The following GATB variants were observed in gnomAD, a reference collection of about 807,000 sequenced individuals.
The protein encoded by GATB is glutamyl-tRNA amidotransferase subunit B.
A neutral mutation model predicts 62.3 loss-of-function variants in GATB; 39 were observed. That is an observed-to-expected ratio of 0.63 (90% CI 0.48 to 0.82). GATB has a LOEUF of 0.82. Among genes scored for constraint, GATB ranks in the 40% least tolerant of loss-of-function variants. GATB has a pLI of 0.00. For synonymous variants in GATB, 276 were observed against 258.9 expected (o/e 1.07, Z -0.63); for missense variants, 670 against 684.0 (o/e 0.98, Z 0.23).
chr4:151,698,599 C>G (rs945010845), intron 9 of GATB, among the ~76,000 whole-genome samples: 1 of 152,116 alleles, frequency 6.6e-6, no homozygotes, highest in Non-Finnish European at 1.5e-5. Context: ...GGAAAAAACA[C>G]GAACATATCA....
intron 10 of GATB, among the ~76,000 whole-genome samples, chr4:151,686,652 G>GCCCCGCT (rs1312222191): frequency 1.4e-5 from 1 of 70,922 alleles, no homozygotes; most frequent in Non-Finnish European, 2.7e-5. Context: ...TCCCCGCCCC[G>GCCCCGCT]CCCCCCCCCC....
chr4:151,683,876 G>A (rs984736073), intron 10 of GATB, among the ~76,000 whole-genome samples: 2 of 152,166 alleles, frequency 1.3e-5, no homozygotes, highest in Non-Finnish European at 1.5e-5. Context: ...ACAACACCAC[G>A]CTTCTAGGTA....
Position 151,758,768 on chromosome 4 carries a change from T to C in GATB, c.327+4A>G. On this transcript the variant is annotated splice_donor_region_variant and intron_variant, in intron 2 of 12. Coordinates refer to ENST00000263985, the MANE Select transcript of GATB (RefSeq NM_004564.3). ...ATGAAAATAGGATTAAATAAGAATCTTACCGGCAAAGTTCCAGGTAGAGAT... is the reference window on the plus strand; with the variant it reads ...ATGAAAATAGGATTAAATAAGAATCCTACCGGCAAAGTTCCAGGTAGAGAT... 3 of 1,564,068 alleles carry C rather than the reference T, an allele frequency of 1.9e-6. No individual in the cohort carries two copies. Among genetic ancestry groups the C allele is most frequent in the Non-Finnish European group, 1.7e-6 (2 of 1,158,318 alleles).
chr4:151,731,674 GTC>G (rs929823878), intron 2 of GATB, among the ~76,000 whole-genome samples: 17 of 151,164 alleles, frequency 1.1e-4, no homozygotes, highest in Admixed American at 1.1e-3. Flanking sequence ...AGTGAGGAGC[GTC>G]TCTGCCCGGC....
chr4:151,759,609 A>T (rs1158586534), intron 1 of GATB, among the ~76,000 whole-genome samples: 1 of 152,120 alleles, frequency 6.6e-6, no homozygotes, highest in Admixed American at 6.5e-5. Flanking sequence ...TACTTTTTTA[A>T]TGCTTATTTG....
rs1025862794 is a variant in GATB, at chr4:151,730,814, C to T, written c.328-11276G>A. On this transcript the variant is annotated intron_variant, in intron 2 of 12. Coordinates refer to ENST00000263985, the MANE Select transcript of GATB (RefSeq NM_004564.3). This position sits in a 1 kb window ranked among gnomAD's most constrained non-coding sequence, Gnocchi z 4.1. ...TGGACCTTCCCTCTGACAGAGCCTA[C>T]CCAAATGAGAAGGAACGAGAAAACC... is the stretch of plus-strand genomic sequence containing the variant. 2.0e-5 allele frequency among the ~76,000 whole-genome samples: 3 copies of T among 152,176 alleles called. No individual in the cohort carries two copies. The highest frequency in any genetic ancestry group is 2.4e-5 in the African/African-American group (1 of 41,414).
At chr4:151,729,147 G>A (rs1431843124) in intron 2 of GATB, among the ~76,000 whole-genome samples, 1 of 152,138 alleles carries the variant, frequency 6.6e-6, no homozygotes, top group African/African-American at 2.4e-5. Context: ...AAATCATGGA[G>A]GTTCGTAAGA....
chr4:151,747,037 T>C (rs1415259930), intron 2 of GATB, among the ~76,000 whole-genome samples: 7 of 152,128 alleles, frequency 4.6e-5, no homozygotes, highest in Non-Finnish European at 1.0e-4. Flanking sequence ...CTAACTGTGA[T>C]AAGGACAGCA....
rs1015231130 is a variant in GATB, at chr4:151,716,824, T to C, written c.640+52A>G. The stretch of plus-strand genomic sequence containing the variant: ...TCTAGCGGTGAAAAGAGGGCCCTGC[T>C]ATCCAAGAACTGAAGTAGGAAGGAG... On this transcript the variant is annotated intron_variant, in intron 4 of 12. Transcript: ENST00000263985. The C allele has an allele frequency of 1.9e-6, 3 of 1,546,496 alleles. No homozygotes were observed. In the African/African-American group the frequency reaches 4.1e-5, roughly 21 times the overall value.
At chr4:151,726,503 A>G (rs1200845576) in intron 2 of GATB, among the ~76,000 whole-genome samples, 1 of 152,224 alleles carries the variant, frequency 6.6e-6, no homozygotes, top group East Asian at 1.9e-4. Context: ...AACCACATAA[A>G]TATATATGTT....
chr4:151,703,702 G>A, intron 8 of GATB, 149 bp downstream of exon 8: 2 of 683,188 alleles, frequency 2.9e-6, no homozygotes, highest in South Asian at 3.4e-5. Context: ...GCATATCAAA[G>A]AGGAAGTCTA....
chr4:151,689,908 T>G (rs960912634), intron 9 of GATB, among the ~76,000 whole-genome samples: 1 of 152,100 alleles, frequency 6.6e-6, no homozygotes. Context: ...ACCCCTACTA[T>G]TTCAATAAGA....
intron 11 of GATB, chr4:151,674,583 TTTTC>T (rs1737955844): frequency 1.3e-5 from 2 of 152,246 alleles, no homozygotes; most frequent in African/African-American, 2.4e-5. Flanking sequence ...CTTCCCATCT[TTTTC>T]TTTCTGTTTT....
intron 7 of GATB, among the ~76,000 whole-genome samples, chr4:151,704,883 G>A (rs1738683351): frequency 6.6e-6 from 1 of 151,080 alleles, no homozygotes; most frequent in South Asian, 2.1e-4. Flanking sequence ...CAAATAGCTG[G>A]GACTACAGGC....
rs187536947 is a variant in GATB at position 151,695,092 on chromosome 4, G to A, written c.1197+6237C>T. On this transcript the variant is annotated intron_variant, in intron 9 of 12. Transcript: ENST00000263985. ...GCCCAGGGTGCTGATTCGAGGGCTC[G>A]CAAGTACATCTTCCTACAGTCTCAC... Among the ~76,000 whole-genome samples the A allele has an allele frequency of 8.9e-4, 135 of 152,298 alleles. 1 individual carries two copies. In the East Asian group the frequency reaches 0.015, roughly 17 times the overall value.
In GATB at chr4:151,730,671, C is replaced by A. The variant is rs913147556; in HGVS notation, c.328-11133G>T. Reference sequence around the variant, plus strand: ...TGGGTGGCTAGACCCAGAAGACAGACAACAGTCACTACAGTTCAGCTCAAA... The same window carrying A: ...TGGGTGGCTAGACCCAGAAGACAGAAAACAGTCACTACAGTTCAGCTCAAA... On this transcript the variant is annotated intron_variant, in intron 2 of 12. Coordinates refer to ENST00000263985, the MANE Select transcript of GATB (RefSeq NM_004564.3). The surrounding 1 kb of genome is among the most constrained non-coding windows in gnomAD (Gnocchi z 4.1). 6.6e-6 allele frequency among the ~76,000 whole-genome samples: 1 copy of A among 152,172 alleles called. No individual in the cohort carries two copies. The highest frequency in any genetic ancestry group is 6.5e-5 in the Admixed American group (1 of 15,276).
At chr4:151,687,619 G>A (rs569506347) in intron 10 of GATB, among the ~76,000 whole-genome samples, 5 of 152,282 alleles carry the variant, frequency 3.3e-5, no homozygotes, top group Non-Finnish European at 5.9e-5. Context: ...ATATTGAAGC[G>A]CGATGGTTTT....
Position 151,727,868 on chromosome 4 carries a change from C to T in GATB, c.328-8330G>A, listed in dbSNP as rs140186098. 5.9e-4 allele frequency among the ~76,000 whole-genome samples: 90 copies of T among 152,218 alleles called. 1 individual carries two copies. Among genetic ancestry groups the T allele is most frequent in the Middle Eastern group, 3.4e-3 (1 of 294 alleles). Reference sequence around the variant, plus strand: ...TTAAATGCAAAGTGCCTATCTCAATCGAATCTTTCATATGTTAACTTTTCC... The same window carrying T: ...TTAAATGCAAAGTGCCTATCTCAATTGAATCTTTCATATGTTAACTTTTCC... On this transcript the variant is annotated intron_variant, in intron 2 of 12. Coordinates refer to ENST00000263985, the MANE Select transcript of GATB (RefSeq NM_004564.3).
intron 9 of GATB, among the ~76,000 whole-genome samples, chr4:151,698,771 A>C (rs1738538329): frequency 6.6e-6 from 1 of 152,172 alleles, no homozygotes; most frequent in Non-Finnish European, 1.5e-5. Flanking sequence ...CTAGCCCTTT[A>C]AAGGAAAAAT....
Sources: gnomAD v4.1 joint callset for allele counts (sites outside exome capture counted in the v4.1 genomes callset) on GRCh38, gnomAD v4.1.1 for gene constraint, Gnocchi (gnomAD v3.1) non-coding constraint, MANE v1.5 for transcripts, NCBI Gene and HGNC (gene_info 2026-07-23, HGNC 2026-07-21) for gene names.